Variants in CSMD1 observed in about 807,000 individuals in gnomAD.
CSMD1 encodes the protein CUB and sushi domain-containing protein 1.
In CSMD1, 213 loss-of-function variants were observed where a neutral mutation model predicts 417.5. The ratio of observed to expected loss-of-function variants is 0.51; its 90% CI spans 0.46 to 0.57. The LOEUF is 0.57. CSMD1 is among the 20% of genes least tolerant of loss of function. The probability of loss-of-function intolerance (pLI) is 0.00; values close to 1 mark genes in which losing one functional copy is unlikely to be tolerated. For synonymous variants in CSMD1, 2,862 were observed against 1,736.8 expected (o/e 1.65, Z -16.11); for missense variants, 6,923 against 4,529.7 (o/e 1.53, Z -15.17).
At chr8:3,775,351 G>A (rs535803330) in intron 5 of CSMD1, among the ~76,000 whole-genome samples, 1 of 152,224 alleles carries the variant, frequency 6.6e-6, no homozygotes, top group South Asian at 2.1e-4. Flanking sequence ...CTTCACCTCT[G>A]AACCATCTAG....
At chr8:3,268,181 C>T (rs940010756) in intron 26 of CSMD1, among the ~76,000 whole-genome samples, 1 of 151,076 alleles carries the variant, frequency 6.6e-6, no homozygotes, top group Non-Finnish European at 1.5e-5. Context: ...GAGTGAATAT[C>T]GAATGGTAAG....
rs1173893368 is a variant in CSMD1, at chr8:3,091,543, T to C, written c.7258A>G (p.Lys2420Glu). Residue 2420 changes from lysine (K) to glutamate (E), a missense_variant, in exon 48 of 70, where the codon AAG (lysine) becomes GAG (glutamate). Physicochemically the swap from Lys to Glu is moderately conservative, Grantham distance 56 (BLOSUM62 1). Coordinates refer to ENST00000635120, the MANE Select transcript of CSMD1 (RefSeq NM_033225.6). The part of the protein sequence containing the change: ...LRWSTDHATS[K>E]KGFKIRYAAP... ...GCATAGCGAATCTTGAATCCTTTCT[T>C]ACTGGTGGCATGGTCAGTGGACCAG... is the stretch of plus-strand genomic sequence containing the variant. The C allele has an allele frequency of 6.2e-7, 1 of 1,606,932 alleles. No homozygotes were observed. Among genetic ancestry groups the C allele is most frequent in the Non-Finnish European group, 8.5e-7 (1 of 1,178,470 alleles).
At chr8:3,033,263 T>C (rs770936192) in intron 50 of CSMD1, among the ~76,000 whole-genome samples, 3 of 152,114 alleles carry the variant, frequency 2.0e-5, no homozygotes, top group Non-Finnish European at 1.5e-5. Flanking sequence ...TAATATACCA[T>C]TGATTGAATA....
chr8:2,978,096 G>A (rs1455713218), intron 55 of CSMD1, among the ~76,000 whole-genome samples: 2 of 152,138 alleles, frequency 1.3e-5, no homozygotes, highest in East Asian at 3.9e-4. Flanking sequence ...AGGATATGAG[G>A]TTTTTATTGT....
chr8:3,374,133 T>C (rs1810157998), intron 18 of CSMD1, among the ~76,000 whole-genome samples: 1 of 151,914 alleles, frequency 6.6e-6, no homozygotes. Flanking sequence ...TTTGTATTTT[T>C]AGTAGAGACG....
intron 1 of CSMD1, among the ~76,000 whole-genome samples, chr8:4,649,768 G>A (rs1169205525): frequency 6.6e-6 from 1 of 152,214 alleles, no homozygotes; most frequent in African/African-American, 2.4e-5. Flanking sequence ...AGGCATTTCA[G>A]AAACTAATAA....
intron 7 of CSMD1, among the ~76,000 whole-genome samples, chr8:3,694,242 A>G (rs1298867730): frequency 6.6e-6 from 1 of 152,052 alleles, no homozygotes; most frequent in Non-Finnish European, 1.5e-5. Context: ...TAGCTCTGTC[A>G]TGGAGTCCAG....
chr8:4,201,490 A>G (rs916181659), intron 3 of CSMD1, among the ~76,000 whole-genome samples: 1 of 127,138 alleles, frequency 7.9e-6, no homozygotes, highest in Non-Finnish European at 1.6e-5. Flanking sequence ...GTGAGCCGAC[A>G]TAGCGCCACT....
At chr8:3,271,159 T>A (rs546015854) in intron 26 of CSMD1, among the ~76,000 whole-genome samples, 4 of 147,892 alleles carry the variant, frequency 2.7e-5, no homozygotes, top group South Asian at 2.2e-4. Flanking sequence ...GTTCCCACCT[T>A]TGAGTGAGAA....
At chr8:4,383,389 T>A (rs1343948352) in intron 3 of CSMD1, among the ~76,000 whole-genome samples, 2 of 152,200 alleles carry the variant, frequency 1.3e-5, no homozygotes, top group Non-Finnish European at 2.9e-5. Flanking sequence ...ACTTGGGGGC[T>A]ACATTTACTA....
At chr8:3,141,513 G>A (rs1380183205) in intron 41 of CSMD1, among the ~76,000 whole-genome samples, 1 of 152,102 alleles carries the variant, frequency 6.6e-6, no homozygotes, top group East Asian at 1.9e-4. Context: ...AGACATTATG[G>A]TTTAGGGGTC....
At chr8:3,707,867 T>C (rs1046426077) in intron 7 of CSMD1, among the ~76,000 whole-genome samples, 5 of 152,252 alleles carry the variant, frequency 3.3e-5, no homozygotes, top group Admixed American at 1.3e-4. Flanking sequence ...GGAGACACCT[T>C]CATTCCTCCC....
chr8:4,790,941 G>C (rs369894367), intron 1 of CSMD1, among the ~76,000 whole-genome samples: 10 of 152,272 alleles, frequency 6.6e-5, no homozygotes, highest in East Asian at 3.9e-4. Context: ...TAACGGCAAA[G>C]ACTCCAAAAG....
At chr8:3,428,729 G>A (rs1022530597) in intron 12 of CSMD1, among the ~76,000 whole-genome samples, 2 of 152,102 alleles carry the variant, frequency 1.3e-5, no homozygotes, top group Non-Finnish European at 2.9e-5. Flanking sequence ...AATGAAATCA[G>A]TACATGGAAG....
rs561001129 is a variant in CSMD1 at position 4,183,288 on chromosome 8, C to T, written c.416-151189G>A. On this transcript the variant is annotated intron_variant, in intron 3 of 69. Coordinates refer to ENST00000635120, the MANE Select transcript of CSMD1 (RefSeq NM_033225.6). Reference sequence around the variant, plus strand: ...ATTTAATTCTGTAAAAAAATATTTACACTACAGAATCAGCAATTAAATATA... The same window carrying T: ...ATTTAATTCTGTAAAAAAATATTTATACTACAGAATCAGCAATTAAATATA... 3.3e-5 allele frequency among the ~76,000 whole-genome samples: 5 copies of T among 152,226 alleles called. No individual in the cohort carries two copies. In the East Asian group the frequency reaches 5.8e-4, roughly 18 times the overall value.
intron 8 of CSMD1, among the ~76,000 whole-genome samples, chr8:3,610,029 T>C (rs1801814389): frequency 6.6e-6 from 1 of 152,128 alleles, no homozygotes; most frequent in African/African-American, 2.4e-5. Flanking sequence ...CTCAAAATCC[T>C]GACCTCGAGA....
At chr8:3,735,415 A>T (rs1796481131) in intron 6 of CSMD1, among the ~76,000 whole-genome samples, 1 of 152,216 alleles carries the variant, frequency 6.6e-6, no homozygotes, top group Non-Finnish European at 1.5e-5. Flanking sequence ...AAATCCTTAG[A>T]TGATTCCAGA....
intron 14 of CSMD1, among the ~76,000 whole-genome samples, chr8:3,406,735 G>A (rs1230853404): frequency 1.3e-5 from 2 of 152,096 alleles, no homozygotes; most frequent in Admixed American, 6.6e-5. Context: ...TAAGAAACTA[G>A]GCAGTTAGCA....
chr8:3,651,318 A>C (rs1352378679), intron 7 of CSMD1, among the ~76,000 whole-genome samples: 1 of 152,094 alleles, frequency 6.6e-6, no homozygotes, highest in Non-Finnish European at 1.5e-5. Context: ...TGATTCATAA[A>C]ACCAGACAAG....
Sources: allele counts gnomAD v4.1 joint callset (sites outside exome capture counted in the v4.1 genomes callset), GRCh38; gene constraint gnomAD v4.1.1; transcripts MANE v1.5; gene names NCBI Gene and HGNC (gene_info 2026-07-23, HGNC 2026-07-21).